The following CACNA2D3 variants were observed in gnomAD, a reference collection of about 807,000 sequenced individuals.
CACNA2D3 encodes the protein voltage-dependent calcium channel subunit alpha-2/delta-3.
CACNA2D3 carries 60 observed loss-of-function variants against 160.6 expected under a neutral mutation model. The observed-to-expected ratio is 0.37, with a 90% CI of 0.30 to 0.46. The LOEUF is 0.46. Ranked by LOEUF, CACNA2D3 falls within the 20% of genes least tolerant of loss-of-function variation. The pLI is 1.00. For missense variants in CACNA2D3, 1,205 were observed against 1,365.0 expected (o/e 0.88, Z 1.85); for synonymous variants, 558 against 492.9 (o/e 1.13, Z -1.75).
At chr3:54,720,685 C>T (rs1329065278) in intron 11 of CACNA2D3, among the ~76,000 whole-genome samples, 1 of 151,996 alleles carries the variant, frequency 6.6e-6, no homozygotes, top group Non-Finnish European at 1.5e-5. Context: ...GTTGGAATTC[C>T]CCACTATGAT....
chr3:54,268,471 G>A (rs563664619), intron 2 of CACNA2D3, among the ~76,000 whole-genome samples: 16 of 152,216 alleles, frequency 1.1e-4, no homozygotes, highest in African/African-American at 2.2e-4. Flanking sequence ...GTGCAGTGGC[G>A]CAATGTTGGC....
At chr3:54,960,095 A>T (rs965117228) in intron 27 of CACNA2D3, among the ~76,000 whole-genome samples, 1 of 151,432 alleles carries the variant, frequency 6.6e-6, no homozygotes, top group Non-Finnish European at 1.5e-5. Flanking sequence ...AAAAAAAACC[A>T]AAGTGATTAT....
intron 3 of CACNA2D3, among the ~76,000 whole-genome samples, chr3:54,341,650 A>T (rs12497704): frequency 0.012 from 1,888 of 152,306 alleles, 28 homozygotes; most frequent in South Asian, 0.044. Context: ...AGAGGTTGCC[A>T]AGTGTCAGTA....
intron 4 of CACNA2D3, among the ~76,000 whole-genome samples, chr3:54,495,228 A>G (rs1414049793): frequency 1.3e-5 from 2 of 152,210 alleles, no homozygotes; most frequent in African/African-American, 2.4e-5. Context: ...GACATCTTAC[A>G]GTGAATTTTG....
At chr3:54,587,950 GA>G (rs1702793072) in intron 9 of CACNA2D3, among the ~76,000 whole-genome samples, 1 of 152,114 alleles carries the variant, frequency 6.6e-6, no homozygotes, top group African/African-American at 2.4e-5. Context: ...AAAAATAGAA[GA>G]GTAAGGAAAT....
intron 12 of CACNA2D3, 116 bp downstream of exon 12, chr3:54,752,793 C>A: frequency 3.0e-6 from 2 of 669,390 alleles, no homozygotes; most frequent in South Asian, 3.7e-5. Context: ...CTGGGTATAT[C>A]TAAGTGATTA....
chr3:54,139,338 G>A (rs1022947521), intron 2 of CACNA2D3, among the ~76,000 whole-genome samples: 2 of 152,338 alleles, frequency 1.3e-5, no homozygotes, highest in African/African-American at 4.8e-5. Flanking sequence ...CCCCACCTCG[G>A]GGTGCTGTCC....
At chr3:54,769,591 C>G (rs1398349302) in intron 13 of CACNA2D3, among the ~76,000 whole-genome samples, 2 of 152,110 alleles carry the variant, frequency 1.3e-5, no homozygotes, top group Non-Finnish European at 2.9e-5. Flanking sequence ...ATACGACCTG[C>G]CTTCCAGGGT....
At chr3:54,844,548 T>TC (rs1316759408) in intron 16 of CACNA2D3, among the ~76,000 whole-genome samples, 1 of 152,160 alleles carries the variant, frequency 6.6e-6, no homozygotes. Flanking sequence ...TCCACCTTTT[T>TC]CTCTTTCTTC....
intron 35 of CACNA2D3, among the ~76,000 whole-genome samples, chr3:55,052,251 T>C (rs1704242640): frequency 6.6e-6 from 1 of 152,206 alleles, no homozygotes; most frequent in African/African-American, 2.4e-5. Context: ...CGGAAACTTT[T>C]CTGTTACTGA....
intron 2 of CACNA2D3, among the ~76,000 whole-genome samples, chr3:54,301,779 A>AG (rs1326504366): frequency 6.6e-6 from 1 of 152,076 alleles, no homozygotes; most frequent in Non-Finnish European, 1.5e-5. Context: ...TTTCTCTGGG[A>AG]GGGAGGAGGA....
In CACNA2D3 at chr3:54,368,693, CTT is replaced by C. The variant is rs33976949; in HGVS notation, c.322-17997_322-17996del. On this transcript the variant is annotated intron_variant, in intron 3 of 37. Transcript: ENST00000474759. The stretch of plus-strand genomic sequence containing the variant: ...CAAGGTAATATTTGGGGGTAGGGTT[CTT>C]TTTTTTTTTTTTTTTTTTTTTTTTG... Among the ~76,000 whole-genome samples the C allele has an allele frequency of 4.6e-3, 329 of 71,456 alleles. 1 individual carries two copies. The highest frequency in any genetic ancestry group is 0.014 in the African/African-American group (311 of 21,510). The allele number at this position is 71,456 out of a possible 152,430, so 46.9% of individuals were successfully genotyped here.
At chr3:54,466,692 T>C (rs1184421442) in intron 4 of CACNA2D3, among the ~76,000 whole-genome samples, 1 of 152,196 alleles carries the variant, frequency 6.6e-6, no homozygotes, top group Admixed American at 6.5e-5. Context: ...TGATATAAAA[T>C]AGTTGTAAAA....
chr3:55,009,516 G>A (rs2107145006), intron 34 of CACNA2D3, 73 bp downstream of exon 34: 1 of 1,350,696 alleles, frequency 7.4e-7, no homozygotes, highest in Non-Finnish European at 1.1e-6. Flanking sequence ...TTTTCATCAG[G>A]GATGTGCTGG....
intron 35 of CACNA2D3, among the ~76,000 whole-genome samples, chr3:55,069,206 A>G (rs1002757111): frequency 8.5e-5 from 13 of 152,122 alleles, no homozygotes; most frequent in Non-Finnish European, 1.5e-4. Flanking sequence ...ATAAAACCCA[A>G]TCTTTTATGA....
intron 3 of CACNA2D3, among the ~76,000 whole-genome samples, chr3:54,337,982 C>A (rs975642584): frequency 6.6e-6 from 1 of 152,194 alleles, no homozygotes; most frequent in South Asian, 2.1e-4. Context: ...GTTTGGGTGC[C>A]TTAAGTGAGT....
chr3:55,042,961 G>T (rs1006714153), intron 35 of CACNA2D3, among the ~76,000 whole-genome samples: 1 of 152,082 alleles, frequency 6.6e-6, no homozygotes, highest in African/African-American at 2.4e-5. Context: ...ATTACTGCTG[G>T]TATTCACTGT....
rs140861397 is a variant in CACNA2D3, at chr3:54,307,733, A to G, written c.205-12709A>G. 2.3e-3 allele frequency among the ~76,000 whole-genome samples: 347 copies of G among 152,326 alleles called. 3 individuals are homozygous for G. The highest frequency in any genetic ancestry group is 7.9e-3 in the African/African-American group (328 of 41,582). ...AACCACTTGAGCAGCTGCAAATAGTATTAGCTTTAAGCTTGTTAGGGATCT... is the reference window on the plus strand; with the variant it reads ...AACCACTTGAGCAGCTGCAAATAGTGTTAGCTTTAAGCTTGTTAGGGATCT... On this transcript the variant is annotated intron_variant, in intron 2 of 37. Transcript: ENST00000474759.
In CACNA2D3 at chr3:54,476,146, C is replaced by T. The variant is rs540301279; in HGVS notation, c.382-27346C>T. Among the ~76,000 whole-genome samples the T allele has an allele frequency of 2.5e-3, 365 of 147,278 alleles. 3 individuals carry two copies. The highest frequency in any genetic ancestry group is 8.6e-3 in the African/African-American group (344 of 40,024). On this transcript the variant is annotated intron_variant, in intron 4 of 37. Coordinates refer to ENST00000474759, the MANE Select transcript of CACNA2D3 (RefSeq NM_018398.3). ...AACTTAGCATAATGTCCTCCTGGTTCGTCCGTGTTATCTCAAATGGTAGCA... is the reference window on the plus strand; with the variant it reads ...AACTTAGCATAATGTCCTCCTGGTTTGTCCGTGTTATCTCAAATGGTAGCA...
Sources: allele counts gnomAD v4.1 joint callset (sites outside exome capture counted in the v4.1 genomes callset), GRCh38; gene constraint gnomAD v4.1.1; transcripts MANE v1.5; gene names NCBI Gene and HGNC (gene_info 2026-07-23, HGNC 2026-07-21).